Variants in ZNF892 observed in about 807,000 individuals in gnomAD.
ZNF892 encodes zinc finger protein 570-like.
At chr2:95,225,772 C>T in the ZNF892 span, among the ~76,000 whole-genome samples, 3 of 152,210 alleles carry the variant, frequency 2.0e-5, no homozygotes, top group Non-Finnish European at 4.4e-5. Flanking sequence ...ATGGGTGAGA[C>T]TCAAATCACT....
At chr2:95,238,521 C>A in the ZNF892 span, among the ~76,000 whole-genome samples, 1 of 152,318 alleles carries the variant, frequency 6.6e-6, no homozygotes, top group Non-Finnish European at 1.5e-5. Context: ...AATACAACAT[C>A]CACTCTGAAG....
At chr2:95,211,246 A>G in the ZNF892 span, among the ~76,000 whole-genome samples, 1 of 152,250 alleles carries the variant, frequency 6.6e-6, no homozygotes, top group Non-Finnish European at 1.5e-5. Flanking sequence ...TAAAAACTAT[A>G]CCATAAGGAA....
the ZNF892 span, among the ~76,000 whole-genome samples, chr2:95,239,144 G>GAA: frequency 3.6e-3 from 459 of 126,012 alleles, 6 homozygotes; most frequent in African/African-American, 7.1e-3. Context: ...CGTCTCAAAG[G>GAA]AAAAAAAAAA....
the ZNF892 span, among the ~76,000 whole-genome samples, chr2:95,213,115 C>T: frequency 6.6e-6 from 1 of 152,218 alleles, no homozygotes; most frequent in Non-Finnish European, 1.5e-5. Context: ...CTGTATTCCT[C>T]TACCTGCTTT....
chr2:95,210,543 C>T, the ZNF892 span, among the ~76,000 whole-genome samples: 1 of 152,104 alleles, frequency 6.6e-6, no homozygotes, highest in Non-Finnish European at 1.5e-5. Context: ...GCTAAATACT[C>T]CTGCAGTGTT....
At chr2:95,214,494 T>A in the ZNF892 span, 1 of 398,352 alleles carries the variant, frequency 2.5e-6, no homozygotes, top group African/African-American at 2.1e-5. Context: ...TGAGAAACAT[T>A]TAATACAAGA....
At chr2:95,234,126 A>G in the ZNF892 span, among the ~76,000 whole-genome samples, 709 of 152,276 alleles carry the variant, frequency 4.7e-3, 11 homozygotes, top group African/African-American at 0.016. Flanking sequence ...GGTTCAAGCA[A>G]TTCTGCCTCA....
At chr2:95,233,742 T>C in the ZNF892 span, among the ~76,000 whole-genome samples, 2 of 138,220 alleles carry the variant, frequency 1.4e-5, no homozygotes, top group Non-Finnish European at 3.1e-5. Context: ...TCAAGCAATC[T>C]CCCTGCCTCG....
the ZNF892 span, among the ~76,000 whole-genome samples, chr2:95,238,928 C>T: frequency 6.6e-6 from 1 of 152,072 alleles, no homozygotes. Flanking sequence ...CACCTGAGCT[C>T]AGGAGTTCGA....
the ZNF892 span, among the ~76,000 whole-genome samples, chr2:95,245,455 G>GC: frequency 5.1e-4 from 54 of 105,438 alleles, 4 homozygotes; most frequent in Middle Eastern, 0.012. Flanking sequence ...GACGGCGGGG[G>GC]GGGGGGGGTT....
the ZNF892 span, among the ~76,000 whole-genome samples, chr2:95,253,120 G>A: frequency 2.0e-5 from 3 of 152,198 alleles, no homozygotes; most frequent in Non-Finnish European, 2.9e-5. Context: ...TTTGGCTTTT[G>A]TTGCCATTGC....
chr2:95,245,391 C>T, the ZNF892 span, among the ~76,000 whole-genome samples: 11 of 149,574 alleles, frequency 7.4e-5, no homozygotes, highest in East Asian at 2.0e-4. Flanking sequence ...GGACTACAGG[C>T]GCCCACCACC....
the ZNF892 span, among the ~76,000 whole-genome samples, chr2:95,218,625 C>G: frequency 6.6e-6 from 1 of 152,156 alleles, no homozygotes; most frequent in Admixed American, 6.5e-5. Context: ...AGCAGCATCC[C>G]CCTTCTGGGT....
At chr2:95,252,138 G>A in the ZNF892 span, among the ~76,000 whole-genome samples, 1 of 152,078 alleles carries the variant, frequency 6.6e-6, no homozygotes, top group African/African-American at 2.4e-5. Flanking sequence ...ACAATGTGCA[G>A]GTTTGTTACA....
At chr2:95,258,001 A>G in the ZNF892 span, among the ~76,000 whole-genome samples, 1 of 151,594 alleles carries the variant, frequency 6.6e-6, no homozygotes, top group African/African-American at 2.4e-5. Flanking sequence ...GAATTCCCTG[A>G]CCCCTTGCGC....
chr2:95,253,561 A>G, the ZNF892 span, among the ~76,000 whole-genome samples: 3 of 152,184 alleles, frequency 2.0e-5, no homozygotes, highest in South Asian at 2.1e-4. Context: ...TGACTTGGCA[A>G]TGTGGGCTCT....
chr2:95,239,683 G>C, the ZNF892 span, among the ~76,000 whole-genome samples: 1 of 152,028 alleles, frequency 6.6e-6, no homozygotes, highest in Non-Finnish European at 1.5e-5. Flanking sequence ...GCTGGAGTGC[G>C]ATAGTGCAAT....
the ZNF892 span, among the ~76,000 whole-genome samples, chr2:95,259,973 G>A: frequency 5.2e-4 from 79 of 152,270 alleles, no homozygotes; most frequent in African/African-American, 1.8e-3. Flanking sequence ...GGGAGGAGCC[G>A]CACTTAACCC....
the ZNF892 span, among the ~76,000 whole-genome samples, chr2:95,225,986 C>A: frequency 6.6e-6 from 1 of 152,206 alleles, no homozygotes; most frequent in Non-Finnish European, 1.5e-5. Context: ...GGGTTGAAAT[C>A]TTGTTCCTGC....
Sources: allele counts gnomAD v4.1 joint callset (sites outside exome capture counted in the v4.1 genomes callset), GRCh38; gene constraint gnomAD v4.1.1; transcripts MANE v1.5; gene names NCBI Gene and HGNC (gene_info 2026-07-23, HGNC 2026-07-21).